Variants in ANXA8 observed in about 807,000 individuals in gnomAD.
The protein encoded by ANXA8 is VAC-beta.
In ANXA8, 9 loss-of-function variants were observed where a neutral mutation model predicts 26.8. The observed-to-expected ratio is 0.34, with a 90% CI of 0.20 to 0.59. The LOEUF (loss-of-function observed/expected upper bound fraction) is 0.59, where lower values mean the gene tolerates loss of function less well. ANXA8 is among the 20% of genes least tolerant of loss of function. ANXA8 has a pLI of 0.84. For missense variants in ANXA8, 83 were observed against 238.5 expected (o/e 0.35, Z 4.29); for synonymous variants, 39 against 94.8 (o/e 0.41, Z 3.42).
At chr10:47,948,759 T>G in the ANXA8 span, among the ~76,000 whole-genome samples, 1 of 151,004 alleles carries the variant, frequency 6.6e-6, no homozygotes, top group Non-Finnish European at 1.5e-5. Context: ...CCATCCATGA[T>G]GCTCAATAGA....
At chr10:47,730,921 A>G in the ANXA8 span, among the ~76,000 whole-genome samples, 1 of 150,048 alleles carries the variant, frequency 6.7e-6, no homozygotes, top group Non-Finnish European at 1.5e-5. Flanking sequence ...GTTCAAGACA[A>G]GCGTGTCTTT....
At chr10:47,593,948 G>C in the ANXA8 span, among the ~76,000 whole-genome samples, 5 of 144,322 alleles carry the variant, frequency 3.5e-5, no homozygotes, top group Non-Finnish European at 6.0e-5. Flanking sequence ...AGGCAGAAGA[G>C]CAGACTTGCT....
the ANXA8 span, among the ~76,000 whole-genome samples, chr10:47,733,239 CTT>C: frequency 6.8e-4 from 41 of 60,046 alleles, no homozygotes; most frequent in East Asian, 3.1e-3. Flanking sequence ...TTCTCTCTTT[CTT>C]TCTTTCTTTC....
the ANXA8 span, among the ~76,000 whole-genome samples, chr10:47,954,421 A>T: frequency 1.3e-5 from 2 of 151,042 alleles, no homozygotes; most frequent in African/African-American, 2.4e-5. Flanking sequence ...GGAGGGTGGG[A>T]AATGGAGATG....
chr10:47,670,203 A>G, the ANXA8 span, among the ~76,000 whole-genome samples: 11 of 151,704 alleles, frequency 7.3e-5, no homozygotes, highest in Non-Finnish European at 1.5e-4. Context: ...CTTCTTTTTT[A>G]TGGCTCAATA....
the ANXA8 span, among the ~76,000 whole-genome samples, chr10:47,685,491 C>A: frequency 6.6e-6 from 1 of 151,884 alleles, no homozygotes; most frequent in Non-Finnish European, 1.5e-5. Flanking sequence ...GCTCTACTAT[C>A]TTCCCCTGCC....
At chr10:47,949,350 T>C in the ANXA8 span, among the ~76,000 whole-genome samples, 1 of 149,598 alleles carries the variant, frequency 6.7e-6, no homozygotes, top group African/African-American at 2.5e-5. Flanking sequence ...CAACCCCTTA[T>C]AAGAGACAAG....
the ANXA8 span, among the ~76,000 whole-genome samples, chr10:47,764,079 G>A: frequency 1.3e-5 from 2 of 151,664 alleles, no homozygotes; most frequent in East Asian, 1.9e-4. Flanking sequence ...GGGTCTGGGC[G>A]GTGGGGGCAT....
the ANXA8 span, among the ~76,000 whole-genome samples, chr10:47,932,718 TTCTC>T: frequency 4.6e-4 from 28 of 60,734 alleles, 7 homozygotes; most frequent in African/African-American, 2.2e-3. Context: ...CTCTCTCTCT[TTCTC>T]TGTCTTTCTG....
At chr10:47,695,294 G>A in the ANXA8 span, among the ~76,000 whole-genome samples, 16 of 151,400 alleles carry the variant, frequency 1.1e-4, no homozygotes, top group East Asian at 3.9e-4. Flanking sequence ...GGTTGCAGGC[G>A]GGACAAGCAC....
the ANXA8 span, among the ~76,000 whole-genome samples, chr10:47,561,150 TACA>T: frequency 6.6e-6 from 1 of 151,994 alleles, no homozygotes; most frequent in African/African-American, 2.4e-5. Flanking sequence ...GATTTATGAA[TACA>T]ACATTACATA....
upstream of ANXA8, among the ~76,000 whole-genome samples, chr10:47,488,554 C>T (rs1565823442): frequency 6.6e-6 from 1 of 151,192 alleles, no homozygotes; most frequent in African/African-American, 2.5e-5. Context: ...TGTTTATCTC[C>T]TAGTAAGTTA....
chr10:47,756,964 T>C, the ANXA8 span, among the ~76,000 whole-genome samples: 1 of 134,668 alleles, frequency 7.4e-6, no homozygotes, highest in African/African-American at 2.8e-5. Context: ...GGGCCTGGTA[T>C]TGCGGCTGGG....
At chr10:47,522,039 A>G in the ANXA8 span, among the ~76,000 whole-genome samples, 642 of 147,950 alleles carry the variant, frequency 4.3e-3, no homozygotes, top group African/African-American at 0.016. Flanking sequence ...CGCCTGCCAC[A>G]GCCTCCCAAA....
the ANXA8 span, among the ~76,000 whole-genome samples, chr10:47,604,714 AAATT>A: frequency 6.6e-6 from 1 of 152,278 alleles, no homozygotes; most frequent in Non-Finnish European, 1.5e-5. Context: ...TTTGTAGTCT[AAATT>A]AATATCCTAG....
At chr10:47,733,221 CTCTTTCTTTCTCTCTTTCTTTCTT>C in the ANXA8 span, among the ~76,000 whole-genome samples, 76 of 58,210 alleles carry the variant, frequency 1.3e-3, no homozygotes, top group African/African-American at 3.4e-3. Flanking sequence ...TTCTTTCTTT[CTCTTTCTTTCTCTCTTTCTTTCTT>C]TCTTTCTTTC....
At chr10:47,695,703 C>G in the ANXA8 span, among the ~76,000 whole-genome samples, 1 of 151,842 alleles carries the variant, frequency 6.6e-6, no homozygotes, top group African/African-American at 2.4e-5. Context: ...GTTTATACCT[C>G]TGACACTGTA....
upstream of ANXA8, chr10:47,487,387 T>C: frequency 9.9e-7 from 1 of 1,008,178 alleles, no homozygotes; most frequent in Non-Finnish European, 1.4e-6. Context: ...CTCCTGGGCT[T>C]TCTTTATGGC....
the ANXA8 span, among the ~76,000 whole-genome samples, chr10:47,717,997 C>A: frequency 4.7e-3 from 263 of 55,430 alleles, no homozygotes; most frequent in African/African-American, 5.1e-3. Flanking sequence ...TACTCTGTCT[C>A]AAAAAAAAAA....
Sources: allele counts gnomAD v4.1 joint callset (sites outside exome capture counted in the v4.1 genomes callset), GRCh38; gene constraint gnomAD v4.1.1; transcripts MANE v1.5; gene names NCBI Gene and HGNC (gene_info 2026-07-23, HGNC 2026-07-21).